The following PLXNA4 variants were observed in gnomAD, a reference collection of about 807,000 sequenced individuals.
The protein encoded by PLXNA4 is plexin A4.
In PLXNA4, 44 loss-of-function variants were observed where a neutral mutation model predicts 191.8. That is an observed-to-expected ratio of 0.23 (90% CI 0.18 to 0.29). PLXNA4 has a LOEUF of 0.29. PLXNA4 is among the 10% of genes least tolerant of loss of function. The pLI is 1.00. For missense variants in PLXNA4, 1,800 were observed against 2,488.8 expected (o/e 0.72, Z 5.89); for synonymous variants, 1,082 against 1,009.5 (o/e 1.07, Z -1.36).
intron 3 of PLXNA4, among the ~76,000 whole-genome samples, chr7:132,389,569 G>A (rs1054587905): frequency 5.9e-5 from 9 of 152,212 alleles, no homozygotes; most frequent in African/African-American, 2.2e-4. Flanking sequence ...TCAAAGATCA[G>A]ATGGTTGTAG....
intron 3 of PLXNA4, among the ~76,000 whole-genome samples, chr7:132,434,277 A>G (rs545819649): frequency 5.3e-5 from 8 of 152,084 alleles, no homozygotes; most frequent in Non-Finnish European, 8.8e-5. Flanking sequence ...TCCCGGTTCC[A>G]TGGTTTTCTG....
At chr7:132,504,972 G>C (rs553472902) in intron 2 of PLXNA4, among the ~76,000 whole-genome samples, 5 of 152,310 alleles carry the variant, frequency 3.3e-5, no homozygotes, top group African/African-American at 1.2e-4. Flanking sequence ...ACAGGAGGGT[G>C]GGAGCAAAGG....
chr7:132,226,818 C>T (rs1208183697), intron 7 of PLXNA4, among the ~76,000 whole-genome samples: 2 of 152,140 alleles, frequency 1.3e-5, no homozygotes, highest in Admixed American at 6.5e-5. Flanking sequence ...GACCCTAGGC[C>T]CCCACTTCAA....
rs186634120 is a variant in PLXNA4, at chr7:132,582,354, G to A, written c.-87+63574C>T. On this transcript the variant is annotated intron_variant, in intron 2 of 4. Transcript: ENST00000378539. ...TTACAAGATGGTTGCCAGGTGGTCT[G>A]AGTGTAAGCTGTTCTAAGTGACTGT... 7.2e-5 allele frequency among the ~76,000 whole-genome samples: 11 copies of A among 152,270 alleles called. No individual in the cohort carries two copies. In the East Asian group the frequency reaches 2.1e-3, roughly 29 times the overall value.
At chr7:132,401,633 G>A (rs1483838821) in intron 3 of PLXNA4, among the ~76,000 whole-genome samples, 2 of 152,288 alleles carry the variant, frequency 1.3e-5, no homozygotes, top group East Asian at 3.9e-4. Flanking sequence ...GGGCATAAGT[G>A]GAGAATTCAG....
At chr7:132,210,859 G>T in intron 10 of PLXNA4, 84 bp downstream of exon 10, 1 of 1,459,050 alleles carries the variant, frequency 6.9e-7, no homozygotes, top group South Asian at 1.2e-5. Flanking sequence ...CTGCAGGGCT[G>T]AGCTGATTTG....
intron 3 of PLXNA4, among the ~76,000 whole-genome samples, chr7:132,343,315 G>A (rs1224814624): frequency 6.6e-6 from 1 of 152,090 alleles, no homozygotes; most frequent in Admixed American, 6.5e-5. Context: ...TCACATTGTT[G>A]TGCAACCATC....
chr7:132,413,111 C>T lies in PLXNA4; in HGVS notation c.1371+76181G>A, dbSNP rs137881162. ...CCCGACACTGTCTCAAGCATTAACA[C>T]TCTCATTACTAGATACTATTCTTCC... On this transcript the variant is annotated intron_variant, in intron 3 of 31. Coordinates refer to ENST00000321063, the MANE Select transcript of PLXNA4 (RefSeq NM_020911.2). Among the ~76,000 whole-genome samples, 515 of 152,270 alleles carry T rather than the reference C, an allele frequency of 3.4e-3. 2 individuals carry two copies. Among genetic ancestry groups the T allele is most frequent in the African/African-American group, 0.011 (476 of 41,536 alleles).
intron 3 of PLXNA4, among the ~76,000 whole-genome samples, chr7:132,430,901 G>C (rs113399398): frequency 6.6e-6 from 1 of 152,188 alleles, no homozygotes; most frequent in East Asian, 1.9e-4. Context: ...CAGCAGCCTC[G>C]GCCACACCGC....
At chr7:132,442,748 G>A (rs1173619240) in intron 3 of PLXNA4, among the ~76,000 whole-genome samples, 7 of 152,234 alleles carry the variant, frequency 4.6e-5, no homozygotes, top group Non-Finnish European at 8.8e-5. Context: ...CACAGTGTCA[G>A]GCATTAAGCA....
chr7:132,548,808 A>C (rs1211871706), intron 1 of PLXNA4, among the ~76,000 whole-genome samples: 1 of 152,230 alleles, frequency 6.6e-6, no homozygotes, highest in East Asian at 1.9e-4. Context: ...GATACAGGTC[A>C]TAAAGACCTT....
chr7:132,172,852 T>TATATACTC (rs1449676340), intron 21 of PLXNA4, among the ~76,000 whole-genome samples: 1 of 152,170 alleles, frequency 6.6e-6, no homozygotes, highest in Non-Finnish European at 1.5e-5. Context: ...AGAATAACTT[T>TATATACTC]ATATACTCAT....
At chr7:132,249,312 T>C (rs952501077) in intron 4 of PLXNA4, among the ~76,000 whole-genome samples, 3 of 152,236 alleles carry the variant, frequency 2.0e-5, no homozygotes, top group African/African-American at 4.8e-5. Context: ...GCAGATGTTG[T>C]GGAGGGCTGC....
intron 3 of PLXNA4, among the ~76,000 whole-genome samples, chr7:132,480,622 CT>C (rs1437875822): frequency 6.6e-6 from 1 of 152,030 alleles, no homozygotes; most frequent in African/African-American, 2.4e-5. Context: ...CCCACAGGCT[CT>C]AGGAGGGACA....
chr7:132,255,812 CT>C (rs1799412131), intron 4 of PLXNA4, among the ~76,000 whole-genome samples: 1 of 152,232 alleles, frequency 6.6e-6, no homozygotes, highest in Non-Finnish European at 1.5e-5. Flanking sequence ...ATTCTGAGAG[CT>C]TTTGCTCTGC....
intron 2 of PLXNA4, among the ~76,000 whole-genome samples, chr7:132,636,052 C>A (rs1803599552): frequency 6.6e-6 from 1 of 152,152 alleles, no homozygotes; most frequent in African/African-American, 2.4e-5. Flanking sequence ...GGCATCCCCT[C>A]CAAAAGGCTC....
intron 2 of PLXNA4, among the ~76,000 whole-genome samples, chr7:132,491,756 A>C (rs1442449080): frequency 6.6e-6 from 1 of 152,236 alleles, no homozygotes; most frequent in Non-Finnish European, 1.5e-5. Flanking sequence ...CTAAAAAAAC[A>C]AACAAAAAAT....
intron 3 of PLXNA4, among the ~76,000 whole-genome samples, chr7:132,425,377 G>C (rs1158650973): frequency 6.6e-6 from 1 of 152,190 alleles, no homozygotes; most frequent in Admixed American, 6.5e-5. Flanking sequence ...GCACTGACAG[G>C]GGAATTGGTG....
intron 3 of PLXNA4, among the ~76,000 whole-genome samples, chr7:132,329,549 T>C (rs1389013484): frequency 6.6e-6 from 1 of 152,214 alleles, no homozygotes; most frequent in African/African-American, 2.4e-5. Flanking sequence ...GCCTTAATTG[T>C]GGCTGCACTG....
Sources: allele counts gnomAD v4.1 joint callset (sites outside exome capture counted in the v4.1 genomes callset), GRCh38; gene constraint gnomAD v4.1.1; transcripts MANE v1.5; gene names NCBI Gene and HGNC (gene_info 2026-07-23, HGNC 2026-07-21).